CDH10: variants seen among roughly 807,000 people sequenced by gnomAD.
CDH10 encodes cadherin-10.
A neutral mutation model predicts 73.1 loss-of-function variants in CDH10; 30 were observed. The ratio of observed to expected loss-of-function variants is 0.41; its 90% CI spans 0.31 to 0.56. The LOEUF is 0.56. Ranked by LOEUF, CDH10 falls within the 20% of genes least tolerant of loss-of-function variation. The probability of loss-of-function intolerance (pLI) is 0.27; values close to 1 mark genes in which losing one functional copy is unlikely to be tolerated. For synonymous variants in CDH10, 345 were observed against 348.2 expected (o/e 0.99, Z 0.10); for missense variants, 815 against 973.7 (o/e 0.84, Z 2.17).
chr5:24,550,382 TA>T (rs965879175), intron 2 of CDH10, among the ~76,000 whole-genome samples: 7 of 150,286 alleles, frequency 4.7e-5, no homozygotes, highest in East Asian at 2.0e-4. Context: ...GCTATAAATC[TA>T]AAAAAAAATG....
chr5:24,546,308 G>T (rs1337186197), intron 2 of CDH10, among the ~76,000 whole-genome samples: 1 of 152,100 alleles, frequency 6.6e-6, no homozygotes, highest in Non-Finnish European at 1.5e-5. Context: ...CTTGTTCTAG[G>T]TTAACTTTCT....
rs565786695 is a variant in CDH10, at chr5:24,586,014, G to T, written c.231+7246C>A. Among the ~76,000 whole-genome samples, 11 of 152,212 alleles carry T rather than the reference G, an allele frequency of 7.2e-5. No individual in the cohort carries two copies. In the East Asian group the frequency reaches 2.1e-3, roughly 29 times the overall value. ...CTCAGTCGTCTTGCACATTTTTTGGGGTGGTATTTGAAAATGACACCACTG... is the reference window on the plus strand; with the variant it reads ...CTCAGTCGTCTTGCACATTTTTTGGTGTGGTATTTGAAAATGACACCACTG... On this transcript the variant is annotated intron_variant, in intron 2 of 11. Transcript: ENST00000264463.
At chr5:24,528,653 A>C (rs1743620989) in intron 5 of CDH10, among the ~76,000 whole-genome samples, 1 of 152,144 alleles carries the variant, frequency 6.6e-6, no homozygotes, top group Middle Eastern at 3.4e-3. Flanking sequence ...CCAAGCAATA[A>C]AAGTATGATT....
chr5:24,593,642 T>A, intron 1 of CDH10, 29 bp from the exon 2 acceptor site: 1 of 567,658 alleles, frequency 1.8e-6, no homozygotes, highest in Non-Finnish European at 3.1e-6. Flanking sequence ...ACAAAAAAAG[T>A]TAGTTGACAA....
chr5:24,491,213 T>G (rs1014240780), intron 11 of CDH10, among the ~76,000 whole-genome samples: 3 of 152,186 alleles, frequency 2.0e-5, no homozygotes, highest in Non-Finnish European at 2.9e-5. Context: ...ACCAAGAATT[T>G]TGTGTCTCAA....
chr5:24,489,498 T>C (rs1392389162), intron 11 of CDH10, among the ~76,000 whole-genome samples: 1 of 152,142 alleles, frequency 6.6e-6, no homozygotes, highest in Non-Finnish European at 1.5e-5. Flanking sequence ...TTTATGCACA[T>C]GAAAATGTGT....
chr5:24,602,728 T>A lies in CDH10; in HGVS notation c.-123-9115A>T, dbSNP rs1239656665. On this transcript the variant is annotated intron_variant, in intron 1 of 11. Coordinates refer to ENST00000264463, the MANE Select transcript of CDH10 (RefSeq NM_006727.5). ...GAGTTTATTTTAACTTACTCTCCTG[T>A]CTCCTACCACAATCTAGGAATGTGC... 2.6e-5 allele frequency among the ~76,000 whole-genome samples: 4 copies of A among 152,092 alleles called. No homozygotes were observed. The East Asian group carries it at 7.7e-4, about 29-fold the overall frequency.
rs549425689 is a variant in CDH10, at chr5:24,572,061, A to G, written c.231+21199T>C. Among the ~76,000 whole-genome samples the G allele has an allele frequency of 2.0e-5, 3 of 151,404 alleles. No individual in the cohort carries two copies. The South Asian group carries it at 6.3e-4, about 32-fold the overall frequency. On this transcript the variant is annotated intron_variant, in intron 2 of 11. Transcript: ENST00000264463. ...CCACGTTTTTACTAATCTACTATTC[A>G]GGAAACAAGCAAACAAACAAAACAA...
At chr5:24,520,422 G>T (rs569546286) in intron 5 of CDH10, among the ~76,000 whole-genome samples, 1 of 152,032 alleles carries the variant, frequency 6.6e-6, no homozygotes, top group Non-Finnish European at 1.5e-5. Context: ...CAAACAAGAA[G>T]AGCTCAATAT....
At chr5:24,607,978 C>G (rs1746816336) in intron 1 of CDH10, among the ~76,000 whole-genome samples, 1 of 152,082 alleles carries the variant, frequency 6.6e-6, no homozygotes, top group Non-Finnish European at 1.5e-5. Context: ...GCCATTTTGA[C>G]CTTCCTGACA....
At chr5:24,544,781 T>A (rs1247362878) in intron 2 of CDH10, among the ~76,000 whole-genome samples, 1 of 152,192 alleles carries the variant, frequency 6.6e-6, no homozygotes, top group Non-Finnish European at 1.5e-5. Flanking sequence ...GAATGCTATA[T>A]AATTCTAGAA....
intron 2 of CDH10, among the ~76,000 whole-genome samples, chr5:24,576,308 T>A (rs1365036648): frequency 6.6e-6 from 1 of 152,152 alleles, no homozygotes; most frequent in African/African-American, 2.4e-5. Flanking sequence ...ATACTTTATA[T>A]CACCTTTTAG....
chr5:24,625,653 A>AAATATGAATATATATGTGTATCTATAT (rs1747473964), intron 1 of CDH10, among the ~76,000 whole-genome samples: 1 of 149,482 alleles, frequency 6.7e-6, no homozygotes, highest in African/African-American at 2.5e-5. Flanking sequence ...ATATATTCAC[A>AAATATGAATATATATGTGTATCTATAT]ATTCACAAAC....
At chr5:24,632,420 C>A (rs566224385) in intron 1 of CDH10, among the ~76,000 whole-genome samples, 1 of 152,068 alleles carries the variant, frequency 6.6e-6, no homozygotes, top group East Asian at 1.9e-4. Flanking sequence ...TAGTGTGCAG[C>A]ACTGCTGAGA....
In CDH10 at chr5:24,523,436, AAAT is replaced by A. The variant is rs951057052; in HGVS notation, c.814+11673_814+11675del. ...TTAAAAAATTTCCTAATGATAGAAG[AAAT>A]AATCAGTTTATGATAAAAAAATTAC... On this transcript the variant is annotated intron_variant, in intron 5 of 11. Coordinates refer to ENST00000264463, the MANE Select transcript of CDH10 (RefSeq NM_006727.5). 1.6e-3 allele frequency among the ~76,000 whole-genome samples: 250 copies of A among 152,080 alleles called. 1 individual carries two copies. Among genetic ancestry groups the A allele is most frequent in the African/African-American group, 5.6e-3 (232 of 41,418 alleles).
At chr5:24,505,360 G>A (rs762762281) in intron 7 of CDH10, 112 bp from the exon 8 acceptor site, 11 of 814,118 alleles carry the variant, frequency 1.4e-5, no homozygotes, top group Admixed American at 2.1e-5. Context: ...AAAGAACACA[G>A]TGCTGATCTG....
chr5:24,540,566 T>C (rs1239997004), intron 2 of CDH10, among the ~76,000 whole-genome samples: 1 of 151,924 alleles, frequency 6.6e-6, no homozygotes, highest in Non-Finnish European at 1.5e-5. Context: ...AGATGGAGTT[T>C]GCAAGTAGAC....
chr5:24,511,664 G>C (rs1189425234), intron 5 of CDH10, 150 bp from the exon 6 acceptor site: 1 of 589,264 alleles, frequency 1.7e-6, no homozygotes, highest in Non-Finnish European at 3.0e-6. Flanking sequence ...TAAATCAGAT[G>C]TTGACAAATG....
At chr5:24,573,427 C>A (rs12658819) in intron 2 of CDH10, among the ~76,000 whole-genome samples, 58,508 of 151,778 alleles carry the variant, frequency 0.39, 13,711 homozygotes, top group East Asian at 0.54. Flanking sequence ...GCAGGCCGGG[C>A]GCGGTGGCTC....
Sources: allele counts gnomAD v4.1 joint callset (sites outside exome capture counted in the v4.1 genomes callset), GRCh38; gene constraint gnomAD v4.1.1; transcripts MANE v1.5; gene names NCBI Gene and HGNC (gene_info 2026-07-23, HGNC 2026-07-21).